MACROD1: variants seen among roughly 807,000 people sequenced by gnomAD.
The protein encoded by MACROD1 is ADP-ribose glycohydrolase MACROD1.
MACROD1 carries 31 observed loss-of-function variants against 41.4 expected under a neutral mutation model. The ratio of observed to expected loss-of-function variants is 0.75; its 90% CI spans 0.56 to 1.01. MACROD1 has a LOEUF of 1.01. Among genes scored for constraint, MACROD1 ranks in the 50% least tolerant of loss-of-function variants. The pLI is 0.00. For synonymous variants in MACROD1, 252 were observed against 203.4 expected (o/e 1.24, Z -2.03); for missense variants, 473 against 460.0 (o/e 1.03, Z -0.26).
intron 4 of MACROD1, among the ~76,000 whole-genome samples, chr11:64,002,276 C>G (rs1465913004): frequency 6.6e-6 from 1 of 152,206 alleles, no homozygotes; most frequent in Non-Finnish European, 1.5e-5. Flanking sequence ...GCGACCTCGG[C>G]CAGCTGTGGG....
Position 63,998,599 on chromosome 11 carries a change from G to A in MACROD1, c.*119C>T. On this transcript the variant is annotated 3_prime_UTR_variant, in exon 11 of 11. Coordinates refer to ENST00000255681, the MANE Select transcript of MACROD1 (RefSeq NM_014067.4). The stretch of plus-strand genomic sequence containing the variant: ...TTATTAGGCTCCTCGGGGGCGGGGC[G>A]CGGAGGGAAAGAAGGGGTGGCCAGG... 1.6e-6 allele frequency: 2 copies of A among 1,272,018 alleles called. No individual in the cohort carries two copies. The highest frequency in any genetic ancestry group is 2.0e-6 in the Non-Finnish European group (2 of 1,008,998). The allele number at this position is 1,272,018 out of a possible 1,614,324, so 78.8% of individuals were successfully genotyped here.
At chr11:64,003,838 C>T (rs1942865802) in intron 4 of MACROD1, among the ~76,000 whole-genome samples, 1 of 152,198 alleles carries the variant, frequency 6.6e-6, no homozygotes, top group Non-Finnish European at 1.5e-5. Flanking sequence ...TGTCTCCCCA[C>T]ATCAGCACGT....
chr11:64,039,071 T>G (rs1943435584), intron 3 of MACROD1, among the ~76,000 whole-genome samples: 1 of 152,136 alleles, frequency 6.6e-6, no homozygotes, highest in Non-Finnish European at 1.5e-5. Flanking sequence ...CAGGGAGGAC[T>G]GAGGTGGCCC....
At chr11:64,001,892 A>G in intron 4 of MACROD1, 1 of 645,784 alleles carries the variant, frequency 1.5e-6, no homozygotes, top group Non-Finnish European at 2.8e-6. Flanking sequence ...CCAGCCACAG[A>G]TGTGTGACCC....
chr11:64,151,334 T>A lies in MACROD1; in HGVS notation c.422A>T (p.Glu141Val), dbSNP rs770916192. Residue 141 changes from glutamate to valine, a missense_variant, in exon 3 of 11, where the codon GAG becomes GTG. Glu to Val is a moderately radical substitution (Grantham distance 121, BLOSUM62 -2). Transcript: ENST00000255681. ...CTGCTTGTCCTTTTTATACCTGGGC[T>A]CCTCCACCTTCACAGCCACCCCTGG... ...MAKGVAVKVE[E>V]PRYKKDKQLN... is the part of the protein sequence containing the mutation. 1 of 1,613,606 alleles carries A rather than the reference T, an allele frequency of 6.2e-7. No homozygotes were observed. Among genetic ancestry groups the A allele is most frequent in the South Asian group, 1.1e-5 (1 of 91,076 alleles).
chr11:64,154,443 C>G (rs1945635080), intron 1 of MACROD1, among the ~76,000 whole-genome samples: 1 of 152,170 alleles, frequency 6.6e-6, no homozygotes. Context: ...CTAGATCCCA[C>G]AGACGCTCCC....
chr11:64,068,847 T>C (rs1434718437), intron 3 of MACROD1, among the ~76,000 whole-genome samples: 1 of 152,210 alleles, frequency 6.6e-6, no homozygotes, highest in East Asian at 1.9e-4. Flanking sequence ...CCCAGCCTGG[T>C]TGAGTGAGCC....
chr11:64,093,733 T>G (rs7944693), intron 3 of MACROD1, among the ~76,000 whole-genome samples: 45,869 of 152,118 alleles, frequency 0.3, 8,787 homozygotes, highest in Middle Eastern at 0.47. Flanking sequence ...GGCCTCCCGC[T>G]CTGTAGTGTG....
chr11:64,124,319 G>A lies in MACROD1; in HGVS notation c.517+26920C>T, dbSNP rs7929625. On this transcript the variant is annotated intron_variant, in intron 3 of 10. Transcript: ENST00000255681. ...GTCTCTTAAGCCAGGGCTGCCCCAC[G>A]TGCAGTCCAACACGCTCATGCTGCT... Among the ~76,000 whole-genome samples the A allele has an allele frequency of 4.5e-3, 684 of 152,308 alleles. 2 individuals are homozygous for A. Among genetic ancestry groups the A allele is most frequent in the Non-Finnish European group, 7.6e-3 (514 of 68,028 alleles).
At chr11:64,065,526 A>T (rs529380806) in intron 3 of MACROD1, among the ~76,000 whole-genome samples, 1 of 152,176 alleles carries the variant, frequency 6.6e-6, no homozygotes, top group Admixed American at 6.5e-5. Context: ...GCGGTGGCTC[A>T]TGCCTGTAAT....
intron 1 of MACROD1, among the ~76,000 whole-genome samples, chr11:64,155,239 G>A (rs571386225): frequency 3.3e-5 from 5 of 152,232 alleles, no homozygotes; most frequent in Non-Finnish European, 5.9e-5. Context: ...AGAGGTAAGA[G>A]GGAGCCAGAG....
At chr11:64,069,148 C>T (rs183470120) in intron 3 of MACROD1, among the ~76,000 whole-genome samples, 23 of 152,262 alleles carry the variant, frequency 1.5e-4, no homozygotes, top group African/African-American at 5.1e-4. Context: ...TCCCAACCTT[C>T]GATTGCAGGG....
At chr11:64,081,857 CGTGGTTCCA>C (rs1216587273) in intron 3 of MACROD1, 2 of 152,120 alleles carry the variant, frequency 1.3e-5, no homozygotes, top group Non-Finnish European at 2.9e-5. Flanking sequence ...AGACTGAGGC[CGTGGTTCCA>C]GTGGCTGCTC....
intron 3 of MACROD1, among the ~76,000 whole-genome samples, chr11:64,065,560 T>C (rs573693660): frequency 3.2e-4 from 49 of 151,834 alleles, no homozygotes; most frequent in Middle Eastern, 3.4e-3. Flanking sequence ...GAGGCCAAGG[T>C]GGGCGAATCA....
intron 4 of MACROD1, chr11:64,009,153 AGGAGAGACAC>A (rs1326766774): frequency 6.6e-6 from 1 of 152,160 alleles, no homozygotes; most frequent in Non-Finnish European, 1.5e-5. Flanking sequence ...CCTAATAAAC[AGGAGAGACAC>A]GGGCGTCAGG....
chr11:64,057,342 A>G (rs1943806194), intron 3 of MACROD1, among the ~76,000 whole-genome samples: 1 of 152,188 alleles, frequency 6.6e-6, no homozygotes, highest in African/African-American at 2.4e-5. Flanking sequence ...CTGTATGTGC[A>G]CAGCTCTTGC....
intron 3 of MACROD1, among the ~76,000 whole-genome samples, chr11:64,085,536 A>G (rs1402859093): frequency 2.0e-5 from 3 of 152,182 alleles, no homozygotes; most frequent in African/African-American, 7.2e-5. Flanking sequence ...AACCCAGCTC[A>G]TAAATCTTCC....
At chr11:64,095,944 TTCTCCCTGGGGAG>T (rs1263734348) in intron 3 of MACROD1, among the ~76,000 whole-genome samples, 3 of 149,752 alleles carry the variant, frequency 2.0e-5, no homozygotes, top group Non-Finnish European at 4.4e-5. Flanking sequence ...GCTCCTCGCT[TTCTCCCTGGGGAG>T]TCTCCAGCAG....
chr11:64,013,724 C>T (rs922055209), intron 4 of MACROD1, among the ~76,000 whole-genome samples: 3 of 152,216 alleles, frequency 2.0e-5, no homozygotes, highest in Non-Finnish European at 4.4e-5. Flanking sequence ...CACAGGCTGT[C>T]TGGGATCCTG....
Sources: gnomAD v4.1 joint callset for allele counts (sites outside exome capture counted in the v4.1 genomes callset) on GRCh38, gnomAD v4.1.1 for gene constraint, MANE v1.5 for transcripts, NCBI Gene and HGNC (gene_info 2026-07-23, HGNC 2026-07-21) for gene names.